The following HIVEP1 variants were observed in gnomAD, a reference collection of about 807,000 sequenced individuals.
HIVEP1 encodes zinc finger protein 40.
HIVEP1 carries 36 observed loss-of-function variants against 180.0 expected under a neutral mutation model. That is an observed-to-expected ratio of 0.20 (90% CI 0.15 to 0.26). HIVEP1 has a LOEUF of 0.26. HIVEP1 is among the 10% of genes least tolerant of loss of function. HIVEP1 has a pLI of 1.00. For missense variants in HIVEP1, 3,143 were observed against 3,268.7 expected (o/e 0.96, Z 0.94); for synonymous variants, 1,239 against 1,239.0 (o/e 1.00, Z 0.00).
chr6:12,020,508 C>T (rs920335170), intron 2 of HIVEP1: 21 of 464,826 alleles, frequency 4.5e-5, no homozygotes, highest in African/African-American at 3.8e-4. Flanking sequence ...ACCACCTTCT[C>T]AGGCCTTCGC....
At chr6:12,118,203 T>G (rs1263153173) in intron 3 of HIVEP1, among the ~76,000 whole-genome samples, 1 of 152,066 alleles carries the variant, frequency 6.6e-6, no homozygotes, top group African/African-American at 2.4e-5. Context: ...TTTTTTTCAT[T>G]AAACTATGAT....
chr6:12,129,704 AGCAT>A (rs1438238639), intron 4 of HIVEP1, 51 bp from the exon 5 acceptor site: 1 of 1,321,632 alleles, frequency 7.6e-7, no homozygotes, highest in African/African-American at 1.4e-5. Context: ...GTGAAAGATT[AGCAT>A]GCTTGTGTTT....
the HIVEP1 span, among the ~76,000 whole-genome samples, chr6:12,183,646 A>G: frequency 6.6e-6 from 1 of 152,188 alleles, no homozygotes; most frequent in Non-Finnish European, 1.5e-5. Flanking sequence ...CATTTATAAG[A>G]TAAGATCATT....
chr6:12,122,534 T>C lies in HIVEP1; in HGVS notation c.2739T>C (p.Leu913=). The C allele has an allele frequency of 6.2e-7, 1 of 1,614,204 alleles. No individual in the cohort carries two copies. The highest frequency in any genetic ancestry group is 8.5e-7 in the Non-Finnish European group (1 of 1,180,030). The change falls in exon 4 of 9, where the codon CTT becomes CTC. Residue 913 remains leucine, a synonymous_variant. Transcript: ENST00000379388. ...CTTCAGCAAATGAAAGTCATGTTCT[T>C]GGTACTGGACAGTCCCTGGATGAGA... is the stretch of plus-strand genomic sequence containing the variant. ...EDSSANESHV[L]GTGQSLDESH... is the part of the protein sequence containing the mutation.
chr6:12,162,014 G>A (rs1286318283), intron 8 of HIVEP1, 85 bp downstream of exon 8: 3 of 1,255,036 alleles, frequency 2.4e-6, no homozygotes, highest in Non-Finnish European at 2.2e-6. Context: ...AGAAAATAAT[G>A]CACTTAAGTG....
chr6:12,077,113 A>G (rs1278113842), intron 2 of HIVEP1, among the ~76,000 whole-genome samples: 1 of 152,136 alleles, frequency 6.6e-6, no homozygotes, highest in East Asian at 1.9e-4. Flanking sequence ...AATTATCTGA[A>G]GCATTGTGAA....
intron 1 of HIVEP1, among the ~76,000 whole-genome samples, chr6:12,013,821 C>G (rs1486579095): frequency 1.1e-5 from 1 of 93,882 alleles, no homozygotes; most frequent in Non-Finnish European, 2.7e-5. Context: ...CTTAGACCAT[C>G]ATTTTTTTTT....
chr6:12,052,548 C>A (rs1315717134), intron 2 of HIVEP1, among the ~76,000 whole-genome samples: 1 of 152,170 alleles, frequency 6.6e-6, no homozygotes. Flanking sequence ...TACTCTGTGT[C>A]TGGTGTGTTC....
intron 7 of HIVEP1, among the ~76,000 whole-genome samples, chr6:12,145,382 G>C (rs1561998122): frequency 6.6e-6 from 1 of 152,042 alleles, no homozygotes; most frequent in Non-Finnish European, 1.5e-5. Flanking sequence ...GTGGGGGCCT[G>C]GGGGAGGGAT....
intron 2 of HIVEP1, among the ~76,000 whole-genome samples, chr6:12,017,020 C>T (rs759029180): frequency 6.6e-6 from 1 of 152,126 alleles, no homozygotes; most frequent in Non-Finnish European, 1.5e-5. Context: ...AATGGCAGCC[C>T]AAATATTTGT....
intron 4 of HIVEP1, among the ~76,000 whole-genome samples, chr6:12,128,458 G>C (rs1227524300): frequency 6.6e-6 from 1 of 152,160 alleles, no homozygotes; most frequent in Non-Finnish European, 1.5e-5. Context: ...CTGTCTGCTT[G>C]ACAATGTAAT....
At position 12,029,813 on chromosome 6, in the gene HIVEP1, T is replaced by A. The variant is rs997661151; in HGVS notation, c.40+14145T>A. Among the ~76,000 whole-genome samples, 10 of 152,304 alleles carry A rather than the reference T, an allele frequency of 6.6e-5. No homozygotes were observed. In the East Asian group the frequency reaches 1.3e-3, roughly 21 times the overall value. On this transcript the variant is annotated intron_variant, in intron 2 of 8. Coordinates refer to ENST00000379388, the MANE Select transcript of HIVEP1 (RefSeq NM_002114.4). ...AATCACTCCTTTACACAATCTTTTT[T>A]AAAAATAATTTAAGAGAAGAAATGA...
chr6:12,059,238 A>G (rs1771072230), intron 2 of HIVEP1, among the ~76,000 whole-genome samples: 1 of 152,208 alleles, frequency 6.6e-6, no homozygotes, highest in African/African-American at 2.4e-5. Context: ...GGGTTTTGCC[A>G]TGTTGGCCAG....
chr6:12,083,790 T>C (rs1479299712), intron 2 of HIVEP1, among the ~76,000 whole-genome samples: 1 of 152,192 alleles, frequency 6.6e-6, no homozygotes, highest in East Asian at 1.9e-4. Context: ...ATTTAACTTA[T>C]CTTTACTCTC....
chr6:12,007,883 T>TC (rs1767092682), upstream of HIVEP1: 2 of 152,068 alleles, frequency 1.3e-5, no homozygotes, highest in Admixed American at 1.3e-4. Flanking sequence ...TATCTTTTTT[T>TC]CCCTCTAGGT....
chr6:12,020,918 T>A (rs1196035486), intron 2 of HIVEP1, among the ~76,000 whole-genome samples: 1 of 115,334 alleles, frequency 8.7e-6, no homozygotes, highest in African/African-American at 3.3e-5. Context: ...TGAGACGGAG[T>A]CTCACTCTGT....
At chr6:12,169,896 A>G (rs555076011), downstream of HIVEP1, among the ~76,000 whole-genome samples, 337 of 152,222 alleles carry the variant, frequency 2.2e-3, 1 homozygote, top group Non-Finnish European at 2.9e-3. Context: ...CAAGGTGGGC[A>G]GATCATGAGG....
chr6:12,034,648 C>T (rs1581539125), intron 2 of HIVEP1, among the ~76,000 whole-genome samples: 1 of 152,324 alleles, frequency 6.6e-6, no homozygotes, highest in East Asian at 1.9e-4. Flanking sequence ...TGAAAGCTAC[C>T]CCCTCAACCC....
At position 12,164,696 on chromosome 6, in the gene HIVEP1, ATATC is replaced by A. The variant is rs1760642644; in HGVS notation, c.*239_*242del. 4 of 364,470 alleles carry A rather than the reference ATATC, an allele frequency of 1.1e-5. No homozygotes were observed. The highest frequency in any genetic ancestry group is 2.1e-5 in the African/African-American group (1 of 47,388). 22.6% of individuals were successfully genotyped at this position (364,470 alleles called of 1,614,324 possible). Reference sequence around the variant, plus strand: ...GTTTAGAAACTGTACAGATTGTTGAATATCTATATACATAAAAATATATTATATA... The same window carrying A: ...GTTTAGAAACTGTACAGATTGTTGAATATATACATAAAAATATATTATATA... On this transcript the variant is annotated 3_prime_UTR_variant, in exon 9 of 9. Coordinates refer to ENST00000379388, the MANE Select transcript of HIVEP1 (RefSeq NM_002114.4).
Sources: allele counts gnomAD v4.1 joint callset (sites outside exome capture counted in the v4.1 genomes callset), GRCh38; gene constraint gnomAD v4.1.1; transcripts MANE v1.5; gene names NCBI Gene and HGNC (gene_info 2026-07-23, HGNC 2026-07-21).